The following BRAF variants were observed in gnomAD, a reference collection of about 807,000 sequenced individuals.
BRAF encodes serine/threonine-protein kinase B-raf.
BRAF carries 16 observed loss-of-function variants against 104.6 expected under a neutral mutation model. The observed-to-expected ratio is 0.15, with a 90% CI of 0.10 to 0.23. The LOEUF is 0.23. Among genes scored for constraint, BRAF ranks in the 10% least tolerant of loss-of-function variants. The pLI is 1.00. For missense variants in BRAF, 541 were observed against 937.3 expected, an observed-to-expected ratio of 0.58 and a Z score of 5.52; for synonymous variants, 310 against 341.6, an observed-to-expected ratio of 0.91 and a Z score of 1.02.
intron 1 of BRAF, among the ~76,000 whole-genome samples, chr7:140,855,568 C>T (rs1809684962): frequency 1.3e-5 from 2 of 151,554 alleles, no homozygotes; most frequent in South Asian, 4.2e-4. Flanking sequence ...AAAAAAACTA[C>T]AGCCATTGGC....
intron 19 of BRAF, chr7:140,732,166 G>A (rs1796020996): frequency 2.9e-5 from 1 of 34,422 alleles, no homozygotes; most frequent in Non-Finnish European, 6.3e-5. Context: ...GCGAGACTCT[G>A]TCTCAAAAAA....
chr7:140,736,325 T>C (rs978118823), intron 18 of BRAF, among the ~76,000 whole-genome samples: 5 of 152,068 alleles, frequency 3.3e-5, no homozygotes, highest in African/African-American at 1.2e-4. Flanking sequence ...CACCTTGGCC[T>C]CCCAAAGTGC....
intron 1 of BRAF, among the ~76,000 whole-genome samples, chr7:140,880,315 A>G (rs1043891066): frequency 1.3e-5 from 2 of 152,178 alleles, no homozygotes; most frequent in African/African-American, 4.8e-5. Context: ...ATAAGAAGCA[A>G]CTTCTCATTT....
chr7:140,740,068 C>T, intron 17 of BRAF, 122 bp from the exon 17 acceptor site: 1 of 1,092,724 alleles, frequency 9.2e-7, no homozygotes, highest in Non-Finnish European at 1.3e-6. Context: ...TATTACACCT[C>T]AATAAAAAGT....
intron 1 of BRAF, among the ~76,000 whole-genome samples, chr7:140,889,407 G>A (rs1301359376): frequency 2.0e-5 from 3 of 152,058 alleles, no homozygotes; most frequent in Non-Finnish European, 2.9e-5. Flanking sequence ...AAAAATTCAT[G>A]CTAACAAGTT....
chr7:140,761,567 T>C (rs1203481608), intron 14 of BRAF, among the ~76,000 whole-genome samples: 5 of 151,988 alleles, frequency 3.3e-5, no homozygotes, highest in Non-Finnish European at 5.9e-5. Context: ...ATGGACTGAA[T>C]GCTCCAATTA....
At position 140,719,734 on chromosome 7, in the gene BRAF, AAT is replaced by A; in HGVS notation, c.*6758_*6759del. On this transcript the variant is annotated 3_prime_UTR_variant, in exon 20 of 20. Coordinates refer to ENST00000644969, the MANE Select transcript of BRAF (RefSeq NM_001374258.1). ...TATGAATTGAAAAATAAGCTTTAAA[AAT>A]AGTTACTCCATTGTAATTTTTGCAA... 9.4e-7 allele frequency: 1 copy of A among 1,062,354 alleles called. No individual in the cohort carries two copies. The highest frequency in any genetic ancestry group is 1.1e-6 in the Non-Finnish European group (1 of 877,476). 65.8% of individuals were successfully genotyped at this position (1,062,354 alleles called of 1,614,324 possible). A position where few individuals can be genotyped will look rare whatever the true frequency, so the allele number is the denominator to read the frequency against.
chr7:140,788,853 T>C (rs1029837769), intron 8 of BRAF, among the ~76,000 whole-genome samples: 60 of 151,768 alleles, frequency 4.0e-4, no homozygotes, highest in African/African-American at 1.4e-3. Context: ...CCTCCCAAAG[T>C]GCTGGGATTA....
intron 5 of BRAF, among the ~76,000 whole-genome samples, chr7:140,804,415 T>G (rs2109738): frequency 0.28 from 38,962 of 140,628 alleles, 8,894 homozygotes; most frequent in African/African-American, 0.65. Flanking sequence ...TTGGGGGGGG[T>G]GGTTAATACT....
intron 1 of BRAF, among the ~76,000 whole-genome samples, chr7:140,864,217 C>T (rs34245875): frequency 0.019 from 2,965 of 152,206 alleles, 37 homozygotes; most frequent in Middle Eastern, 0.031. Flanking sequence ...GGGAGGAAGA[C>T]TAGTTGAAAC....
rs1310227730 is a variant in BRAF, at chr7:140,808,889, T to C, written c.608+3A>G. The C allele has an allele frequency of 6.2e-7, 1 of 1,607,420 alleles. No individual in the cohort carries two copies. Among genetic ancestry groups the C allele is most frequent in the Non-Finnish European group, 8.5e-7 (1 of 1,175,832 alleles). ...AAAATTTCACGTCACATACAAACCA[T>C]ACCCATCCTGAATTCTGTAAACAGC... On this transcript the variant is annotated splice_donor_region_variant and intron_variant, in intron 4 of 19. Coordinates refer to ENST00000644969, the MANE Select transcript of BRAF (RefSeq NM_001374258.1).
intron 2 of BRAF, among the ~76,000 whole-genome samples, chr7:140,837,115 A>T (rs1398827864): frequency 1.3e-5 from 2 of 152,148 alleles, no homozygotes; most frequent in Non-Finnish European, 2.9e-5. Flanking sequence ...TCAAAGCTGC[A>T]ATCTACCAAG....
chr7:140,880,073 C>T (rs934705649), intron 1 of BRAF, among the ~76,000 whole-genome samples: 9 of 152,048 alleles, frequency 5.9e-5, no homozygotes, highest in African/African-American at 1.4e-4. Context: ...TCTGCTGTGC[C>T]GACTGACTTT....
chr7:140,771,707 T>C (rs1799859404), intron 14 of BRAF, among the ~76,000 whole-genome samples: 2 of 152,148 alleles, frequency 1.3e-5, no homozygotes, highest in African/African-American at 2.4e-5. Context: ...TTAAATACCC[T>C]ATAGCCTTAT....
intron 7 of BRAF, 111 bp from the exon 8 acceptor site, chr7:140,794,578 T>A (rs578044112): frequency 1.6e-6 from 2 of 1,282,710 alleles, no homozygotes; most frequent in Admixed American, 2.1e-5. Flanking sequence ...TCAAAATCAT[T>A]AAAGCATTAA....
At chr7:140,752,879 TAC>T (rs1797899060) in intron 16 of BRAF, among the ~76,000 whole-genome samples, 1 of 151,892 alleles carries the variant, frequency 6.6e-6, no homozygotes, top group Admixed American at 6.6e-5. Flanking sequence ...TTCAACAGGG[TAC>T]ACAGAACATT....
chr7:140,813,234 AAT>A (rs1479321556), intron 3 of BRAF, among the ~76,000 whole-genome samples: 1 of 152,168 alleles, frequency 6.6e-6, no homozygotes, highest in Non-Finnish European at 1.5e-5. Flanking sequence ...AAAAGGGAAA[AAT>A]ATATGAGAGA....
intron 1 of BRAF, among the ~76,000 whole-genome samples, chr7:140,878,786 T>A (rs1263304140): frequency 6.6e-6 from 1 of 152,188 alleles, no homozygotes; most frequent in Admixed American, 6.5e-5. Flanking sequence ...GTGATGGGTA[T>A]CCCAATCACC....
intron 3 of BRAF, among the ~76,000 whole-genome samples, chr7:140,818,009 T>C (rs1006525166): frequency 6.6e-6 from 1 of 151,676 alleles, no homozygotes; most frequent in Non-Finnish European, 1.5e-5. Context: ...TACATACATA[T>C]AGTATCGTAT....
Sources: gnomAD v4.1 joint callset for allele counts (sites outside exome capture counted in the v4.1 genomes callset) on GRCh38, gnomAD v4.1.1 for gene constraint, MANE v1.5 for transcripts, NCBI Gene and HGNC (gene_info 2026-07-23, HGNC 2026-07-21) for gene names.